The following RARS1 variants were observed in gnomAD, a reference collection of about 807,000 sequenced individuals.
RARS1 encodes the protein arginine--tRNA ligase, cytoplasmic.
Under a neutral mutation model 78.7 loss-of-function variants are expected in RARS1, and 75 were observed. The observed-to-expected ratio is 0.95, with a 90% CI of 0.79 to 1.15. The LOEUF (loss-of-function observed/expected upper bound fraction) is 1.15. Among genes scored for constraint, RARS1 ranks in the 50% most tolerant of loss-of-function variants. The probability of loss-of-function intolerance (pLI) is 0.00; values close to 1 mark genes in which losing one functional copy is unlikely to be tolerated. For synonymous variants in RARS1, 273 were observed against 268.2 expected, an observed-to-expected ratio of 1.02 and a Z score of -0.18; for missense variants, 787 against 787.5, an observed-to-expected ratio of 1.00 and a Z score of 0.01.
chr5:168,509,765 T>A (rs1758530762), intron 11 of RARS1, among the ~76,000 whole-genome samples: 1 of 151,300 alleles, frequency 6.6e-6, no homozygotes, highest in Non-Finnish European at 1.5e-5. Flanking sequence ...AGACCAGGAG[T>A]TTGATAGGAG....
intron 5 of RARS1, chr5:168,495,089 T>C (rs1324470822): frequency 3.0e-5 from 21 of 689,504 alleles, no homozygotes; most frequent in Non-Finnish European, 4.4e-5. Context: ...GGATAATTTG[T>C]ATACATGAAT....
chr5:168,491,892 A>C (rs375418989), intron 2 of RARS1, among the ~76,000 whole-genome samples: 1 of 151,994 alleles, frequency 6.6e-6, no homozygotes, highest in South Asian at 2.1e-4. Flanking sequence ...TGACAAACAT[A>C]AAGGTGTATA....
chr5:168,488,471 C>T (rs1047280194), intron 1 of RARS1, 131 bp from the exon 2 acceptor site: 3 of 1,076,374 alleles, frequency 2.8e-6, no homozygotes, highest in South Asian at 3.3e-5. Flanking sequence ...CAGCAAAAAT[C>T]TCAGAGGAGA....
intron 10 of RARS1, 123 bp from the exon 11 acceptor site, chr5:168,506,599 A>G (rs1324441212): frequency 1.8e-5 from 12 of 679,272 alleles, no homozygotes; most frequent in Non-Finnish European, 2.7e-5. Flanking sequence ...TTATAATAGC[A>G]CTTGTCTCAC....
intron 14 of RARS1, among the ~76,000 whole-genome samples, 182 bp from the exon 15 acceptor site, chr5:168,518,899 C>T (rs1473157684): frequency 6.6e-6 from 1 of 152,082 alleles, no homozygotes; most frequent in African/African-American, 2.4e-5. Flanking sequence ...ACAGAAATGC[C>T]TTTATTTTTT....
chr5:168,504,416 G>A (rs552654416), intron 9 of RARS1, among the ~76,000 whole-genome samples: 10 of 151,810 alleles, frequency 6.6e-5, no homozygotes, highest in Admixed American at 5.2e-4. Context: ...CCAGCTACTC[G>A]GGAGGCTGAG....
At position 168,502,002 on chromosome 5, in the gene RARS1, G is replaced by GTTAAATAA. The variant is rs1421481607; in HGVS notation, c.955_962dup (p.Lys321AsnfsTer2). 6.3e-7 allele frequency: 1 copy of GTTAAATAA among 1,583,122 alleles called. No individual in the cohort carries two copies. On this transcript the variant is annotated frameshift_variant and splice_region_variant, in exon 9 of 15. Coordinates refer to ENST00000231572, the MANE Select transcript of RARS1 (RefSeq NM_002887.4). LOFTEE classifies it high-confidence loss of function. The stretch of plus-strand genomic sequence containing the variant: ...GTGGCATTTTATTTTCTTCCCTAGA[G>GTTAAATAA]TTAAATAAAATCTATGATGCATTGG...
chr5:168,505,089 G>C (rs1031318091), intron 9 of RARS1, among the ~76,000 whole-genome samples: 1 of 152,158 alleles, frequency 6.6e-6, no homozygotes. Context: ...GCTAATAAGC[G>C]ATACGTCTGA....
At chr5:168,518,989 TCTAA>T in intron 14 of RARS1, 88 bp from the exon 15 acceptor site, 1 of 1,064,060 alleles carries the variant, frequency 9.4e-7, no homozygotes. Flanking sequence ...ACTATGCACT[TCTAA>T]CTAAAATTTG....
intron 12 of RARS1, among the ~76,000 whole-genome samples, chr5:168,512,897 A>G (rs1758593477): frequency 6.6e-6 from 1 of 152,246 alleles, no homozygotes; most frequent in African/African-American, 2.4e-5. Context: ...TCAAGTTGAC[A>G]TACTAACCTT....
chr5:168,517,426 A>C (rs1052952747), intron 13 of RARS1, among the ~76,000 whole-genome samples: 1 of 152,234 alleles, frequency 6.6e-6, no homozygotes, highest in Non-Finnish European at 1.5e-5. Context: ...TACAGGCATG[A>C]GCCATCACGC....
chr5:168,492,571 G>GGA, intron 2 of RARS1, 88 bp from the exon 3 acceptor site: 4 of 1,132,864 alleles, frequency 3.5e-6, no homozygotes, highest in Non-Finnish European at 5.0e-6. Flanking sequence ...TAAGATATTT[G>GGA]GAGGTTTATA....
In RARS1 at chr5:168,497,330, T is replaced by C; in HGVS notation, c.804T>C (p.Asp268=). Residue 268 remains aspartate, a synonymous_variant, in exon 7 of 15, where the codon GAT becomes GAC. Coordinates refer to ENST00000231572, the MANE Select transcript of RARS1 (RefSeq NM_002887.4). ...TAACAGTTTCACCTCCTATTGGGGA[T>C]CTTCAGGTCTTTTATAAGGTTTGAT... is the stretch of plus-strand genomic sequence containing the variant. The part of the protein sequence containing the change: ...DYLTVSPPIG[D]LQVFYKESKK... 1 of 1,581,748 alleles carries C rather than the reference T, an allele frequency of 6.3e-7. No homozygotes were observed. The highest frequency in any genetic ancestry group is 8.6e-7 in the Non-Finnish European group (1 of 1,162,640).
rs770168530 is a variant in RARS1 at position 168,516,809 on chromosome 5, A to G, written c.1484A>G (p.Gln495Arg). ...ACTGCAGAGGAATTGAATGCTGCTC[A>G]GACATCCGTTGCGTATGGCTGCATC... The part of the protein sequence containing the change: ...VLTAEELNAA[Q>R]TSVAYGCIKY... The change falls in exon 13 of 15, where the codon CAG (glutamine) becomes CGG (arginine). Residue 495 changes from glutamine (Q) to arginine (R), a missense_variant. Coordinates refer to ENST00000231572, the MANE Select transcript of RARS1 (RefSeq NM_002887.4). The G allele has an allele frequency of 2.5e-6, 4 of 1,614,200 alleles. No individual in the cohort carries two copies. The South Asian group carries it at 4.4e-5, about 18-fold the overall frequency.
At chr5:168,512,563 C>T (rs942501834) in intron 12 of RARS1, among the ~76,000 whole-genome samples, 3 of 152,100 alleles carry the variant, frequency 2.0e-5, no homozygotes, top group Admixed American at 2.0e-4. Context: ...TTAACTTACA[C>T]GATAACAAGG....
At position 168,495,326 on chromosome 5, in the gene RARS1, CT is replaced by C; in HGVS notation, c.595del (p.Ser199ProfsTer5). ...TTTGTCTACCCCAGGTTATAGTTGA[CT>C]TTTCCTCCCCTAATATAGCTAAAGA... The part of the protein sequence containing the change: ...LGENKKVIVD[F>X]SSPNIAKEMH... On this transcript the variant is annotated frameshift_variant, in exon 6 of 15. Coordinates refer to ENST00000231572, the MANE Select transcript of RARS1 (RefSeq NM_002887.4). LOFTEE classifies it high-confidence loss of function. 6.2e-7 allele frequency: 1 copy of C among 1,613,792 alleles called. No homozygotes were observed. Among genetic ancestry groups the C allele is most frequent in the Non-Finnish European group, 8.5e-7 (1 of 1,179,800 alleles).
At chr5:168,490,656 T>G (rs1224082477) in intron 2 of RARS1, among the ~76,000 whole-genome samples, 2 of 152,326 alleles carry the variant, frequency 1.3e-5, no homozygotes, top group East Asian at 3.9e-4. Flanking sequence ...CTGTCGTTTT[T>G]CCCTGGTTCA....
At chr5:168,518,193 C>A in intron 14 of RARS1, 131 bp downstream of exon 14, 1 of 1,093,894 alleles carries the variant, frequency 9.1e-7, no homozygotes, top group Non-Finnish European at 1.2e-6. Flanking sequence ...AAGTGATTCT[C>A]CCACTTGAGC....
intron 9 of RARS1, among the ~76,000 whole-genome samples, 193 bp downstream of exon 9, chr5:168,502,298 A>T (rs1758343139): frequency 6.6e-6 from 1 of 150,644 alleles, no homozygotes; most frequent in African/African-American, 2.4e-5. Flanking sequence ...TGACTTTGGT[A>T]TATGTCTCTG....
Sources: gnomAD v4.1 joint callset for allele counts (sites outside exome capture counted in the v4.1 genomes callset) on GRCh38, gnomAD v4.1.1 for gene constraint, MANE v1.5 for transcripts, NCBI Gene and HGNC (gene_info 2026-07-23, HGNC 2026-07-21) for gene names.